Variants in WWTR1 observed in about 807,000 individuals in gnomAD.
WWTR1 encodes WW domain-containing transcription regulator protein 1.
Under a neutral mutation model 40.1 loss-of-function variants are expected in WWTR1, and 13 were observed. That is an observed-to-expected ratio of 0.32 (90% CI 0.21 to 0.52). The LOEUF (loss-of-function observed/expected upper bound fraction) is 0.52, where lower values mean the gene tolerates loss of function less well. WWTR1 is among the 20% of genes least tolerant of loss of function. The pLI, the probability that WWTR1 is intolerant of heterozygous loss-of-function variation, is 0.97. For synonymous variants in WWTR1, 230 were observed against 210.1 expected, an observed-to-expected ratio of 1.09 and a Z score of -0.82; for missense variants, 436 against 523.1, an observed-to-expected ratio of 0.83 and a Z score of 1.63.
chr3:149,646,943 C>T (rs758994895), intron 2 of WWTR1, among the ~76,000 whole-genome samples: 3 of 151,892 alleles, frequency 2.0e-5, no homozygotes, highest in Non-Finnish European at 2.9e-5. Context: ...ACATGATGTA[C>T]ATTTAAATTC....
chr3:149,556,708 G>A (rs936584830), intron 3 of WWTR1, among the ~76,000 whole-genome samples: 17 of 152,116 alleles, frequency 1.1e-4, no homozygotes, highest in African/African-American at 4.1e-4. Context: ...AAGGTTTGGG[G>A]CAAGGATGGG....
intron 2 of WWTR1, among the ~76,000 whole-genome samples, chr3:149,583,627 T>A (rs982108815): frequency 2.6e-5 from 4 of 152,244 alleles, no homozygotes; most frequent in Non-Finnish European, 5.9e-5. Context: ...GCAGCCAGTT[T>A]CTTCCAGGGT....
intron 2 of WWTR1, among the ~76,000 whole-genome samples, chr3:149,596,157 C>T (rs1738994511): frequency 6.6e-6 from 1 of 152,180 alleles, no homozygotes; most frequent in South Asian, 2.1e-4. Flanking sequence ...TAGCATATTT[C>T]CTTCTATCCT....
rs889164859 is a variant in WWTR1, at chr3:149,521,423, A to T, written c.1019-434T>A. Among the ~76,000 whole-genome samples, 17 of 152,296 alleles carry T rather than the reference A, an allele frequency of 1.1e-4. No individual in the cohort carries two copies. The East Asian group carries it at 3.3e-3, about 29-fold the overall frequency. ...AAGCTTCTTTTAACCAGGCTATTAA[A>T]AAGTTGTCTTCATTGATGACTTTAG... On this transcript the variant is annotated intron_variant, in intron 6 of 6. Coordinates refer to ENST00000360632, the MANE Select transcript of WWTR1 (RefSeq NM_015472.6).
At chr3:149,595,963 G>T (rs1738985032) in intron 2 of WWTR1, among the ~76,000 whole-genome samples, 1 of 152,050 alleles carries the variant, frequency 6.6e-6, no homozygotes, top group Non-Finnish European at 1.5e-5. Flanking sequence ...AACCCGGGAG[G>T]TGGAGGTTGC....
intron 2 of WWTR1, among the ~76,000 whole-genome samples, chr3:149,651,021 A>G (rs1712834899): frequency 6.6e-6 from 1 of 152,214 alleles, no homozygotes; most frequent in Non-Finnish European, 1.5e-5. Context: ...ACTAACTTGT[A>G]CTGAACATCT....
chr3:149,679,704 G>C (rs940065168), intron 1 of WWTR1, among the ~76,000 whole-genome samples: 1 of 151,978 alleles, frequency 6.6e-6, no homozygotes, highest in African/African-American at 2.4e-5. Context: ...TAATTCCTGA[G>C]AGGGAGCCAA....
At chr3:149,636,312 C>T (rs572930967) in intron 2 of WWTR1, among the ~76,000 whole-genome samples, 24 of 152,244 alleles carry the variant, frequency 1.6e-4, no homozygotes, top group African/African-American at 5.5e-4. Context: ...CCTGAAAAGT[C>T]CTTTGAAACC....
At chr3:149,600,450 C>T (rs1025597862) in intron 2 of WWTR1, among the ~76,000 whole-genome samples, 2 of 152,160 alleles carry the variant, frequency 1.3e-5, no homozygotes, top group Admixed American at 6.5e-5. Context: ...GCTTCCTCAC[C>T]CTGATTCTTC....
At chr3:149,684,621 T>C (rs1031664975) in intron 1 of WWTR1, among the ~76,000 whole-genome samples, 5 of 151,950 alleles carry the variant, frequency 3.3e-5, no homozygotes, top group African/African-American at 1.2e-4. Flanking sequence ...TGGAGTGCCA[T>C]GGGGCGATCC....
intron 2 of WWTR1, among the ~76,000 whole-genome samples, chr3:149,634,128 A>C (rs1338179183): frequency 6.6e-6 from 1 of 151,922 alleles, no homozygotes; most frequent in Non-Finnish European, 1.5e-5. Context: ...AATAATGAAG[A>C]CCCAACCATG....
chr3:149,527,335 C>T (rs954122372), intron 5 of WWTR1, among the ~76,000 whole-genome samples: 1 of 151,908 alleles, frequency 6.6e-6, no homozygotes, highest in African/African-American at 2.4e-5. Flanking sequence ...TTAGAAGAGA[C>T]AGGGTTTCTC....
Position 149,519,528 on chromosome 3 carries a change from ATC to A in WWTR1, c.*1275_*1276del, listed in dbSNP as rs780960258. 2 of 152,256 alleles carry A rather than the reference ATC, an allele frequency of 1.3e-5. No homozygotes were observed. The highest frequency in any genetic ancestry group is 2.9e-5 in the Non-Finnish European group (2 of 68,044). The allele number at this position is 152,256 out of a possible 1,614,324, so 9.4% of individuals were successfully genotyped here. On this transcript the variant is annotated 3_prime_UTR_variant, in exon 7 of 7. Coordinates refer to ENST00000360632, the MANE Select transcript of WWTR1 (RefSeq NM_015472.6). Reference sequence around the variant, plus strand: ...GTGTGTGGTGTGCTATCAGGTTGAAATCTATGTTGTCCTGATGTTTTCAGAGT... The same window carrying A: ...GTGTGTGGTGTGCTATCAGGTTGAAATATGTTGTCCTGATGTTTTCAGAGT...
intron 4 of WWTR1, among the ~76,000 whole-genome samples, chr3:149,723,310 T>C (rs1224835704): frequency 6.8e-6 from 1 of 148,022 alleles, no homozygotes; most frequent in Non-Finnish European, 1.5e-5. Context: ...TGCCTCAGCC[T>C]CCCAGGTAGC....
At chr3:149,593,046 T>C (rs578165625) in intron 2 of WWTR1, among the ~76,000 whole-genome samples, 1 of 152,264 alleles carries the variant, frequency 6.6e-6, no homozygotes, top group Admixed American at 6.5e-5. Flanking sequence ...CCAATCACAG[T>C]ATCACCCAGA....
At chr3:149,645,281 G>T (rs13078845) in intron 2 of WWTR1, among the ~76,000 whole-genome samples, 28 of 151,106 alleles carry the variant, frequency 1.9e-4, no homozygotes, top group Non-Finnish European at 3.4e-4. Flanking sequence ...GGGTTTCACC[G>T]TGTTAGCCAG....
At chr3:149,722,710 G>T (rs763950363) in intron 4 of WWTR1, among the ~76,000 whole-genome samples, 2 of 151,428 alleles carry the variant, frequency 1.3e-5, no homozygotes, top group African/African-American at 4.9e-5. Context: ...CTCTGTTCAC[G>T]TTCCTCCAGT....
In WWTR1 at chr3:149,668,658, G is replaced by A. The variant is rs193079630; in HGVS notation, c.-4+1130C>T. Among the ~76,000 whole-genome samples, 3 of 150,468 alleles carry A rather than the reference G, an allele frequency of 2.0e-5. No homozygotes were observed. In the East Asian group the frequency reaches 5.8e-4, roughly 29 times the overall value. On this transcript the variant is annotated intron_variant, in intron 2 of 7. Coordinates refer to the WWTR1 transcript ENST00000465804. ...TTCATTGCTTCACATCACAACTCAAGGTCTAAAATTTGAAGTGTTGGATCC... is the reference window on the plus strand; with the variant it reads ...TTCATTGCTTCACATCACAACTCAAAGTCTAAAATTTGAAGTGTTGGATCC...
upstream of WWTR1, among the ~76,000 whole-genome samples, chr3:149,707,934 G>A (rs1715371948): frequency 6.6e-6 from 1 of 151,980 alleles, no homozygotes; most frequent in South Asian, 2.1e-4. Context: ...GTATGGTATG[G>A]CCATACCAAT....
Sources: allele counts gnomAD v4.1 joint callset (sites outside exome capture counted in the v4.1 genomes callset), GRCh38; gene constraint gnomAD v4.1.1; transcripts MANE v1.5; gene names NCBI Gene and HGNC (gene_info 2026-07-23, HGNC 2026-07-21).